FOXP2: variants seen among roughly 807,000 people sequenced by gnomAD.
FOXP2 encodes forkhead box P2.
Under a neutral mutation model 115.8 loss-of-function variants are expected in FOXP2, and 12 were observed. The observed-to-expected ratio is 0.10, with a 90% CI of 0.07 to 0.17. The LOEUF is 0.17. Ranked by LOEUF, FOXP2 falls within the 10% of genes least tolerant of loss-of-function variation. FOXP2 has a pLI of 1.00. For missense variants in FOXP2, 629 were observed against 843.5 expected (o/e 0.75, Z 3.15); for synonymous variants, 328 against 297.7 (o/e 1.10, Z -1.05).
intron 2 of FOXP2, among the ~76,000 whole-genome samples, chr7:114,361,061 A>G (rs919503336): frequency 1.3e-5 from 2 of 152,092 alleles, no homozygotes; most frequent in African/African-American, 4.8e-5. Flanking sequence ...GAACTGCCCT[A>G]CCTTTCTTTC....
At chr7:114,574,924 C>A (rs1801499205) in intron 3 of FOXP2, among the ~76,000 whole-genome samples, 1 of 151,850 alleles carries the variant, frequency 6.6e-6, no homozygotes, top group African/African-American at 2.4e-5. Context: ...ATTACACTGG[C>A]CACATTTGAT....
At chr7:114,529,129 T>G (rs1383119516) in intron 2 of FOXP2, among the ~76,000 whole-genome samples, 20 of 151,916 alleles carry the variant, frequency 1.3e-4, no homozygotes, top group Admixed American at 1.3e-3. Flanking sequence ...GGCTACTTGA[T>G]GTACTGCACC....
chr7:114,176,263 C>CCTTTCTTT (rs377227249), intron 1 of FOXP2, among the ~76,000 whole-genome samples: 2,737 of 123,448 alleles, frequency 0.022, 164 homozygotes, highest in African/African-American at 0.081. Context: ...TCTCTCTTTC[C>CCTTTCTTT]CTTTCTTTCT....
At chr7:114,489,868 A>C (rs1280997647) in intron 2 of FOXP2, among the ~76,000 whole-genome samples, 1 of 152,148 alleles carries the variant, frequency 6.6e-6, no homozygotes, top group Admixed American at 6.6e-5. Context: ...AAATTAAAAC[A>C]ACAACGAGAT....
chr7:114,228,982 A>G (rs1794807432), intron 1 of FOXP2, among the ~76,000 whole-genome samples: 2 of 151,656 alleles, frequency 1.3e-5, no homozygotes, highest in Admixed American at 1.3e-4. Context: ...ACAATAGCCA[A>G]CTATAAATTA....
rs148456788 is a variant in FOXP2, at chr7:114,465,623, A to G, written c.168+38944A>G. The stretch of plus-strand genomic sequence containing the variant: ...AGTTCTCTGTCACTTTTAGGATTCT[A>G]GCAGACTTTGAATATCCAATTAGCA... On this transcript the variant is annotated intron_variant, in intron 2 of 16. Coordinates refer to ENST00000350908, the MANE Select transcript of FOXP2 (RefSeq NM_014491.4). Among the ~76,000 whole-genome samples the G allele has an allele frequency of 4.1e-3, 627 of 152,338 alleles. 7 individuals are homozygous for G. The highest frequency in any genetic ancestry group is 6.8e-3 in the Middle Eastern group (2 of 294).
intron 1 of FOXP2, among the ~76,000 whole-genome samples, chr7:114,213,813 C>T: frequency 6.6e-6 from 1 of 152,014 alleles, no homozygotes. Context: ...TAAGAATTGG[C>T]TTTAGGGAAA....
intron 2 of FOXP2, among the ~76,000 whole-genome samples, chr7:114,319,739 C>T (rs945967486): frequency 2.6e-5 from 4 of 152,110 alleles, no homozygotes; most frequent in South Asian, 2.1e-4. Flanking sequence ...ACAGCCAAAC[C>T]ATATGAACTA....
intron 2 of FOXP2, among the ~76,000 whole-genome samples, chr7:114,471,347 T>G (rs1584776289): frequency 2.0e-5 from 3 of 152,216 alleles, no homozygotes; most frequent in African/African-American, 7.2e-5. Context: ...CAGTCCCAAT[T>G]GATCTGTCAC....
chr7:114,190,529 C>T (rs1392262905), intron 1 of FOXP2, among the ~76,000 whole-genome samples: 1 of 152,196 alleles, frequency 6.6e-6, no homozygotes, highest in African/African-American at 2.4e-5. Flanking sequence ...TGTGGCTTTT[C>T]TGGGCCTTCA....
chr7:114,317,784 A>G (rs1174177492), intron 2 of FOXP2, among the ~76,000 whole-genome samples: 2 of 152,180 alleles, frequency 1.3e-5, no homozygotes, highest in African/African-American at 2.4e-5. Context: ...ACAAAACAGT[A>G]TACAATCTAA....
intron 1 of FOXP2, among the ~76,000 whole-genome samples, chr7:114,280,107 A>T (rs1268423511): frequency 6.6e-6 from 1 of 151,386 alleles, no homozygotes; most frequent in African/African-American, 2.4e-5. Context: ...TAAATAAATA[A>T]ATAAATAAAT....
intron 2 of FOXP2, among the ~76,000 whole-genome samples, chr7:114,390,593 G>A (rs550420678): frequency 1.3e-5 from 2 of 151,528 alleles, no homozygotes; most frequent in African/African-American, 2.4e-5. Flanking sequence ...TTACTCTGTC[G>A]CCCATGCTGG....
chr7:114,234,000 G>A (rs1430116532), intron 1 of FOXP2, among the ~76,000 whole-genome samples: 1 of 151,966 alleles, frequency 6.6e-6, no homozygotes, highest in African/African-American at 2.4e-5. Flanking sequence ...CAACAGAGAG[G>A]GACTGTCTCA....
chr7:114,488,659 C>T (rs1433787024), intron 2 of FOXP2, among the ~76,000 whole-genome samples: 1 of 152,034 alleles, frequency 6.6e-6, no homozygotes, highest in Non-Finnish European at 1.5e-5. Flanking sequence ...GAACAAAAAA[C>T]TTTATCCCAA....
chr7:114,455,860 ATATC>A, intron 2 of FOXP2, among the ~76,000 whole-genome samples: 1 of 152,254 alleles, frequency 6.6e-6, no homozygotes, highest in South Asian at 2.1e-4. Context: ...TGTGATCTTA[ATATC>A]TGCCTGTCTG....
chr7:114,472,054 C>G (rs1796072845), intron 2 of FOXP2, among the ~76,000 whole-genome samples: 3 of 151,652 alleles, frequency 2.0e-5, no homozygotes, highest in African/African-American at 4.8e-5. Flanking sequence ...AGTGTGCAAA[C>G]AGGTTTGCTA....
chr7:114,493,214 A>G (rs772171689), intron 2 of FOXP2, among the ~76,000 whole-genome samples: 25 of 152,122 alleles, frequency 1.6e-4, no homozygotes, highest in Non-Finnish European at 1.6e-4. Flanking sequence ...CTGTTTTATC[A>G]GAGACTATGA....
intron 2 of FOXP2, among the ~76,000 whole-genome samples, chr7:114,296,285 CTT>C (rs1366362737): frequency 2.6e-5 from 4 of 151,986 alleles, no homozygotes; most frequent in African/African-American, 9.7e-5. Flanking sequence ...TTTTGTGACA[CTT>C]AAGTGTATGA....
Sources: allele counts gnomAD v4.1 joint callset (sites outside exome capture counted in the v4.1 genomes callset), GRCh38; gene constraint gnomAD v4.1.1; transcripts MANE v1.5; gene names NCBI Gene and HGNC (gene_info 2026-07-23, HGNC 2026-07-21).